The following VPS41 variants were observed in gnomAD, a reference collection of about 807,000 sequenced individuals.
VPS41 encodes vacuolar protein sorting-associated protein 41 homolog.
Under a neutral mutation model 130.9 loss-of-function variants are expected in VPS41, and 85 were observed. That is an observed-to-expected ratio of 0.65 (90% CI 0.55 to 0.78). The LOEUF is 0.78. VPS41 is among the 30% of genes least tolerant of loss of function. The probability of loss-of-function intolerance (pLI) is 0.00; values close to 1 mark genes in which losing one functional copy is unlikely to be tolerated. For synonymous variants in VPS41, 335 were observed against 332.9 expected (o/e 1.01, Z -0.07); for missense variants, 874 against 1,018.7 (o/e 0.86, Z 1.93).
chr7:38,845,308 C>A (rs1785701009), intron 4 of VPS41, among the ~76,000 whole-genome samples: 1 of 152,126 alleles, frequency 6.6e-6, no homozygotes, highest in South Asian at 2.1e-4. Context: ...TATTCTCATG[C>A]CAGAGACCGT....
At chr7:38,788,073 C>T (rs905007927) in intron 10 of VPS41, among the ~76,000 whole-genome samples, 1 of 152,130 alleles carries the variant, frequency 6.6e-6, no homozygotes, top group African/African-American at 2.4e-5. Context: ...TGATAATAAC[C>T]ATCATGGTTT....
intron 10 of VPS41, among the ~76,000 whole-genome samples, chr7:38,777,982 C>T (rs141213313): frequency 6.6e-6 from 1 of 152,300 alleles, no homozygotes; most frequent in African/African-American, 2.4e-5. Flanking sequence ...CTTAGTGTTC[C>T]TTGTCTCTGC....
At chr7:38,799,578 A>C (rs528725659) in intron 7 of VPS41, among the ~76,000 whole-genome samples, 1 of 152,318 alleles carries the variant, frequency 6.6e-6, no homozygotes, top group African/African-American at 2.4e-5. Context: ...ACAGAAAGGC[A>C]CATTATTCAT....
intron 7 of VPS41, among the ~76,000 whole-genome samples, chr7:38,810,218 T>G (rs1361788026): frequency 6.6e-6 from 1 of 151,666 alleles, no homozygotes; most frequent in Non-Finnish European, 1.5e-5. Context: ...AGAAGATACC[T>G]TGAAAACCTA....
At chr7:38,764,436 T>C (rs762286510) in intron 16 of VPS41, among the ~76,000 whole-genome samples, 7 of 152,114 alleles carry the variant, frequency 4.6e-5, no homozygotes, top group Non-Finnish European at 1.0e-4. Context: ...GGAATTCTGA[T>C]TTTATTCTAT....
chr7:38,787,553 TA>T (rs1784462070), intron 10 of VPS41, among the ~76,000 whole-genome samples: 1 of 152,214 alleles, frequency 6.6e-6, no homozygotes, highest in Non-Finnish European at 1.5e-5. Flanking sequence ...TTTAACAGAA[TA>T]AATCAACAGC....
At position 38,892,503 on chromosome 7, in the gene VPS41, G is replaced by A. The variant is rs78979077; in HGVS notation, c.60+5588C>T. On this transcript the variant is annotated intron_variant, in intron 2 of 28. Transcript: ENST00000310301. ...CATTATCAGGGTAGACTTCTCACAC[G>A]ATACTTGTTCCATTACATCTTTGCT... Among the ~76,000 whole-genome samples, 1,051 of 152,200 alleles carry A rather than the reference G, an allele frequency of 6.9e-3. 8 individuals carry two copies. The highest frequency in any genetic ancestry group is 0.024 in the Middle Eastern group (7 of 294).
intron 10 of VPS41, among the ~76,000 whole-genome samples, chr7:38,778,818 T>C (rs931216441): frequency 1.3e-5 from 2 of 152,146 alleles, no homozygotes; most frequent in Admixed American, 6.6e-5. Context: ...CTGCCTAGTC[T>C]CACTGACAGA....
chr7:38,871,830 T>C (rs1240631019), intron 2 of VPS41, among the ~76,000 whole-genome samples: 1 of 152,188 alleles, frequency 6.6e-6, no homozygotes, highest in East Asian at 1.9e-4. Context: ...ACTTACTTTA[T>C]TATTATTTTC....
At chr7:38,728,265 G>A (rs1029716864) in intron 27 of VPS41, 1 of 595,944 alleles carries the variant, frequency 1.7e-6, no homozygotes, top group East Asian at 2.9e-5. Context: ...TGGAAGTTTG[G>A]AACCAGAGAC....
chr7:38,730,860 C>G (rs1795649939), intron 25 of VPS41, among the ~76,000 whole-genome samples: 1 of 152,094 alleles, frequency 6.6e-6, no homozygotes. Flanking sequence ...AAGAGAAAGG[C>G]AGGGCCAGCA....
At chr7:38,837,838 C>T (rs944845188) in intron 4 of VPS41, among the ~76,000 whole-genome samples, 2 of 152,104 alleles carry the variant, frequency 1.3e-5, no homozygotes, top group African/African-American at 2.4e-5. Flanking sequence ...TGGGTTACTC[C>T]TTTCTATGCT....
intron 5 of VPS41, among the ~76,000 whole-genome samples, chr7:38,822,801 ATGTT>A (rs1211557649): frequency 1.3e-5 from 2 of 152,236 alleles, no homozygotes; most frequent in African/African-American, 4.8e-5. Context: ...GAAAGTTTGA[ATGTT>A]TGTGTTCCCC....
At chr7:38,886,512 A>G (rs1445534421) in intron 2 of VPS41, among the ~76,000 whole-genome samples, 2 of 152,214 alleles carry the variant, frequency 1.3e-5, no homozygotes, top group African/African-American at 2.4e-5. Flanking sequence ...ACAAAGTGGC[A>G]GGGAAGCTCA....
intron 11 of VPS41, among the ~76,000 whole-genome samples, chr7:38,775,933 C>A (rs1301314429): frequency 2.0e-5 from 3 of 152,030 alleles, no homozygotes; most frequent in Non-Finnish European, 4.4e-5. Context: ...AAAAGAAAAT[C>A]CTTTACAGTA....
intron 2 of VPS41, among the ~76,000 whole-genome samples, chr7:38,870,739 C>CAAAAAAAAAAAAAAAAAAAAAA (rs70977434): frequency 3.4e-5 from 1 of 29,734 alleles, no homozygotes; most frequent in African/African-American, 1.1e-4. Flanking sequence ...ACTATATGTT[C>CAAAAAAAAAAAAAAAAAAAAAA]AAAAAAAAAA....
chr7:38,809,622 T>C (rs1223298879), intron 7 of VPS41, among the ~76,000 whole-genome samples: 1 of 152,052 alleles, frequency 6.6e-6, no homozygotes, highest in African/African-American at 2.4e-5. Flanking sequence ...CAGGTAAAAT[T>C]TGCCATTTCA....
At chr7:38,787,783 T>G (rs1002115005) in intron 10 of VPS41, among the ~76,000 whole-genome samples, 6 of 152,204 alleles carry the variant, frequency 3.9e-5, no homozygotes, top group Non-Finnish European at 8.8e-5. Flanking sequence ...GTTATCCTAC[T>G]TAAGGACTCT....
At chr7:38,765,690 G>T (rs749526517) in intron 15 of VPS41, 29 bp from the exon 16 acceptor site, 2 of 1,463,582 alleles carry the variant, frequency 1.4e-6, no homozygotes, top group East Asian at 2.3e-5. Context: ...CAGGCAGAAA[G>T]AAAGTATATA....
Sources: allele counts gnomAD v4.1 joint callset (sites outside exome capture counted in the v4.1 genomes callset), GRCh38; gene constraint gnomAD v4.1.1; transcripts MANE v1.5; gene names NCBI Gene and HGNC (gene_info 2026-07-23, HGNC 2026-07-21).